Variants in PLEKHO2 observed in about 807,000 individuals in gnomAD.
PLEKHO2 encodes the protein pleckstrin homology domain-containing family O member 2.
In PLEKHO2, 20 loss-of-function variants were observed where a neutral mutation model predicts 32.7. The observed-to-expected ratio is 0.61, with a 90% confidence interval of 0.43 to 0.89. The LOEUF is 0.89. PLEKHO2 is among the 40% of genes least tolerant of loss of function. The pLI, the probability that PLEKHO2 is intolerant of heterozygous loss-of-function variation, is 0.00. For missense variants in PLEKHO2, 568 were observed against 621.2 expected (o/e 0.91, Z 0.91); for synonymous variants, 247 against 246.3 (o/e 1.00, Z -0.03).
Position 64,860,093 on chromosome 15 carries a change from C to T in PLEKHO2, c.384+95C>T, listed in dbSNP as rs898846134. On this transcript the variant is annotated intron_variant, in intron 4 of 5. Coordinates refer to ENST00000323544, the MANE Select transcript of PLEKHO2 (RefSeq NM_025201.5). ...CCCTGCCCCTCCTTACCCCAGACTA[C>T]CCCTTGATTATGTCACTGCTATGGG... The T allele has an allele frequency of 2.8e-6, 3 of 1,062,622 alleles. No homozygotes were observed. In the Admixed American group the frequency reaches 5.6e-5, roughly 20 times the overall value. The allele number at this position is 1,062,622 out of a possible 1,614,324, so 65.8% of individuals were successfully genotyped here.
At chr15:64,842,984 C>A (rs2084496567) in intron 1 of PLEKHO2, among the ~76,000 whole-genome samples, 1 of 152,232 alleles carries the variant, frequency 6.6e-6, no homozygotes, top group Admixed American at 6.5e-5. Context: ...CAGCCCCTCT[C>A]AGCCCAAGGG....
chr15:64,866,776 C>T lies in PLEKHO2; in HGVS notation c.*888C>T, dbSNP rs2084692002. On this transcript the variant is annotated 3_prime_UTR_variant, in exon 6 of 6. Transcript: ENST00000323544. ...CATGTCAGCCTTCAGAAGAGAATCC[C>T]CACCAACTTCTGTGCCTCCTCAGAT... 6.4e-6 allele frequency: 1 copy of T among 156,448 alleles called. No homozygotes were observed. The highest frequency in any genetic ancestry group is 1.4e-5 in the Non-Finnish European group (1 of 70,786). The allele number at this position is 156,448 out of a possible 1,614,324, so 9.7% of individuals were successfully genotyped here. A position where few individuals can be genotyped will look rare whatever the true frequency, so the allele number is the denominator to read the frequency against.
At chr15:64,852,748 G>A (rs111308413) in intron 2 of PLEKHO2, among the ~76,000 whole-genome samples, 2,755 of 152,056 alleles carry the variant, frequency 0.018, 57 homozygotes, top group South Asian at 0.031. Flanking sequence ...AGCCTCCTGA[G>A]TAGCTGGGAC....
chr15:64,857,569 A>C (rs2084613598), intron 3 of PLEKHO2, among the ~76,000 whole-genome samples: 1 of 151,942 alleles, frequency 6.6e-6, no homozygotes, highest in Non-Finnish European at 1.5e-5. Context: ...TGGTATTCTA[A>C]TTGTTTCTAT....
intron 3 of PLEKHO2, among the ~76,000 whole-genome samples, chr15:64,855,275 C>T (rs1567096691): frequency 6.6e-6 from 1 of 152,232 alleles, no homozygotes; most frequent in Non-Finnish European, 1.5e-5. Context: ...CTCTGCTCCC[C>T]TTTTCCTCTT....
chr15:64,859,452 A>T (rs779705154), intron 3 of PLEKHO2, among the ~76,000 whole-genome samples: 1 of 152,024 alleles, frequency 6.6e-6, no homozygotes, highest in Non-Finnish European at 1.5e-5. Flanking sequence ...CTGTCTGGCC[A>T]TTGGGCCTGG....
At chr15:64,859,137 T>G (rs1460117901) in intron 3 of PLEKHO2, among the ~76,000 whole-genome samples, 1 of 152,286 alleles carries the variant, frequency 6.6e-6, no homozygotes, top group East Asian at 1.9e-4. Flanking sequence ...TAATCCATTG[T>G]ACGTATGGAC....
At chr15:64,845,724 T>C (rs1567094763) in intron 1 of PLEKHO2, among the ~76,000 whole-genome samples, 3 of 152,244 alleles carry the variant, frequency 2.0e-5, no homozygotes, top group Admixed American at 2.0e-4. Flanking sequence ...CAGTATTCTC[T>C]AGGCTACATC....
chr15:64,862,095 C>T (rs916279242), intron 5 of PLEKHO2, among the ~76,000 whole-genome samples: 3 of 151,810 alleles, frequency 2.0e-5, no homozygotes, highest in Non-Finnish European at 2.9e-5. Context: ...TGAGGCACAG[C>T]GGGAGGGTTT....
At chr15:64,863,341 T>G (rs1028141538) in intron 5 of PLEKHO2, among the ~76,000 whole-genome samples, 2 of 152,112 alleles carry the variant, frequency 1.3e-5, no homozygotes, top group Non-Finnish European at 2.9e-5. Context: ...GTTTTTGAGT[T>G]GCAGCAGCCT....
chr15:64,845,581 G>A (rs1158053073), intron 1 of PLEKHO2, among the ~76,000 whole-genome samples: 1 of 152,156 alleles, frequency 6.6e-6, no homozygotes, highest in Non-Finnish European at 1.5e-5. Context: ...TTCTGTGGCT[G>A]GGCTGTGGTT....
At chr15:64,864,673 T>C (rs1226175480) in intron 5 of PLEKHO2, among the ~76,000 whole-genome samples, 1 of 152,170 alleles carries the variant, frequency 6.6e-6, no homozygotes, top group Admixed American at 6.5e-5. Flanking sequence ...GGCCTGTGAT[T>C]CCAAAACAGG....
chr15:64,863,140 C>G (rs1309920538), intron 5 of PLEKHO2, among the ~76,000 whole-genome samples: 8 of 152,132 alleles, frequency 5.3e-5, no homozygotes, highest in African/African-American at 1.9e-4. Flanking sequence ...GTTTCACCAT[C>G]TTGGCCAGGC....
At chr15:64,862,367 G>A (rs1439527784) in intron 5 of PLEKHO2, among the ~76,000 whole-genome samples, 2 of 152,032 alleles carry the variant, frequency 1.3e-5, no homozygotes, top group African/African-American at 4.8e-5. Context: ...TAGGAAGCAA[G>A]AGCCACCTGG....
chr15:64,863,516 T>C (rs1277932580), intron 5 of PLEKHO2, among the ~76,000 whole-genome samples: 1 of 107,176 alleles, frequency 9.3e-6, no homozygotes, highest in Non-Finnish European at 1.9e-5. Flanking sequence ...TGTGTGTGTG[T>C]GTTTGTGTGT....
intron 5 of PLEKHO2, among the ~76,000 whole-genome samples, chr15:64,861,905 A>C (rs183580771): frequency 1.1e-4 from 17 of 152,246 alleles, no homozygotes; most frequent in Non-Finnish European, 2.2e-4. Flanking sequence ...GGCCTATCCC[A>C]CAGACTGCTC....
intron 3 of PLEKHO2, among the ~76,000 whole-genome samples, chr15:64,858,774 A>T (rs832883): frequency 6.6e-6 from 1 of 151,932 alleles, no homozygotes; most frequent in Non-Finnish European, 1.5e-5. Flanking sequence ...AAACTGTGGT[A>T]AAAAAAAATT....
chr15:64,861,004 C>T (rs751292802), intron 4 of PLEKHO2, among the ~76,000 whole-genome samples: 3 of 152,244 alleles, frequency 2.0e-5, no homozygotes, highest in Non-Finnish European at 2.9e-5. Context: ...CCTTCTGTTA[C>T]CCTCAGAGAG....
rs373976778 is a variant in PLEKHO2, at chr15:64,859,900, G to A, written c.286G>A (p.Asp96Asn). Residue 96 changes from aspartate (D) to asparagine (N), a missense_variant, in exon 4 of 6, where the codon GAC becomes AAC. Transcript: ENST00000323544. ...LLRSPGNKVS[D>N]IKFQAPTGEE... ...CCATCCATCTTGCCCACAGGTCAGC[G>A]ACATCAAATTCCAGGCACCCACCGG... 66 of 1,613,940 alleles carry A rather than the reference G, an allele frequency of 4.1e-5. No individual in the cohort carries two copies. Among genetic ancestry groups the A allele is most frequent in the Non-Finnish European group, 5.6e-5 (66 of 1,179,950 alleles).
Sources: allele counts gnomAD v4.1 joint callset (sites outside exome capture counted in the v4.1 genomes callset), GRCh38; gene constraint gnomAD v4.1.1; transcripts MANE v1.5; gene names NCBI Gene and HGNC (gene_info 2026-07-23, HGNC 2026-07-21).